LRRC4C: variants seen among roughly 807,000 people sequenced by gnomAD.
LRRC4C encodes leucine-rich repeat-containing protein 4C.
In LRRC4C, 5 loss-of-function variants were observed where a neutral mutation model predicts 33.6. The ratio of observed to expected loss-of-function variants is 0.15; its 90% CI spans 0.08 to 0.31. LRRC4C has a LOEUF of 0.31. Ranked by LOEUF, LRRC4C falls within the 10% of genes least tolerant of loss-of-function variation. LRRC4C has a pLI of 1.00. For synonymous variants in LRRC4C, 329 were observed against 302.0 expected (o/e 1.09, Z -0.93); for missense variants, 560 against 796.7 (o/e 0.70, Z 3.58).
chr11:41,082,688 T>C (rs924377642), intron 1 of LRRC4C, among the ~76,000 whole-genome samples: 2 of 152,216 alleles, frequency 1.3e-5, no homozygotes, highest in Non-Finnish European at 1.5e-5. Context: ...CTGCAACTTG[T>C]GCTCTTAACT....
At chr11:40,434,528 A>G (rs951569061) in intron 3 of LRRC4C, among the ~76,000 whole-genome samples, 12 of 152,230 alleles carry the variant, frequency 7.9e-5, no homozygotes, top group Non-Finnish European at 1.5e-5. Context: ...TCTTTCGGGA[A>G]GACTAAAAAT....
chr11:41,120,560 G>C (rs1319917276), intron 1 of LRRC4C, among the ~76,000 whole-genome samples: 1 of 152,106 alleles, frequency 6.6e-6, no homozygotes, highest in Non-Finnish European at 1.5e-5. Context: ...TCACTGTTGG[G>C]CTACTGTTTG....
At chr11:40,343,990 A>G (rs981934945) in intron 3 of LRRC4C, among the ~76,000 whole-genome samples, 1 of 152,202 alleles carries the variant, frequency 6.6e-6, no homozygotes, top group South Asian at 2.1e-4. Flanking sequence ...ATAAGTTTCA[A>G]AATTGAATCA....
chr11:40,333,786 A>C (rs1211191571), intron 3 of LRRC4C, among the ~76,000 whole-genome samples: 1 of 151,394 alleles, frequency 6.6e-6, no homozygotes, highest in Non-Finnish European at 1.5e-5. Context: ...ACTGAGGAAC[A>C]GTTTCCAATG....
At chr11:41,067,483 C>T (rs1305294169) in intron 1 of LRRC4C, among the ~76,000 whole-genome samples, 2 of 152,134 alleles carry the variant, frequency 1.3e-5, no homozygotes, top group Non-Finnish European at 2.9e-5. Flanking sequence ...CTTTAACACC[C>T]GACTGTCAAT....
chr11:40,299,517 C>G (rs1448160052), intron 4 of LRRC4C, among the ~76,000 whole-genome samples: 2 of 152,114 alleles, frequency 1.3e-5, no homozygotes, highest in African/African-American at 4.8e-5. Context: ...TGTACAATGA[C>G]AAGATACCAC....
intron 3 of LRRC4C, among the ~76,000 whole-genome samples, chr11:40,546,641 G>C (rs1195584366): frequency 6.6e-6 from 1 of 152,034 alleles, no homozygotes; most frequent in Admixed American, 6.6e-5. Context: ...TAGTTGCAAT[G>C]CATACTTGCT....
intron 3 of LRRC4C, among the ~76,000 whole-genome samples, chr11:40,386,237 G>A (rs900346189): frequency 1.3e-5 from 2 of 152,044 alleles, no homozygotes; most frequent in African/African-American, 4.8e-5. Context: ...TTCCTAAAAC[G>A]TTCCCAGCAT....
At chr11:41,209,364 G>T (rs1946727401) in intron 1 of LRRC4C, among the ~76,000 whole-genome samples, 1 of 151,750 alleles carries the variant, frequency 6.6e-6, no homozygotes, top group African/African-American at 2.4e-5. Context: ...GAATGTGATT[G>T]TCTAAATTAT....
chr11:41,073,513 A>T (rs79933388), intron 1 of LRRC4C, among the ~76,000 whole-genome samples: 10,743 of 152,214 alleles, frequency 0.071, 570 homozygotes, highest in East Asian at 0.21. Context: ...GTGGGGACAA[A>T]CAAACCATAT....
intron 3 of LRRC4C, among the ~76,000 whole-genome samples, chr11:40,606,578 G>A (rs1960623183): frequency 6.6e-6 from 1 of 151,334 alleles, no homozygotes; most frequent in African/African-American, 2.4e-5. Flanking sequence ...AAAAAAAAGA[G>A]GTATGTAAAG....
intron 2 of LRRC4C, among the ~76,000 whole-genome samples, chr11:40,909,162 G>A (rs996601276): frequency 1.2e-4 from 19 of 152,110 alleles, no homozygotes; most frequent in African/African-American, 3.6e-4. Context: ...TCTTGCTTTC[G>A]TGCCTGCTTA....
chr11:41,451,943 C>T (rs568849451), intron 1 of LRRC4C, among the ~76,000 whole-genome samples: 4 of 151,480 alleles, frequency 2.6e-5, no homozygotes, highest in African/African-American at 9.8e-5. Flanking sequence ...ATGTCTCCAA[C>T]AGCAAAAAAT....
Position 41,250,784 on chromosome 11 carries a change from C to T in LRRC4C, c.-496+208647G>A, listed in dbSNP as rs373557398. Among the ~76,000 whole-genome samples the T allele has an allele frequency of 2.1e-4, 32 of 152,268 alleles. No homozygotes were observed. In the South Asian group the frequency reaches 6.2e-3, roughly 30 times the overall value. On this transcript the variant is annotated intron_variant, in intron 1 of 6. Transcript: ENST00000528697. ...ACTTGACGTGGTTCAAAATGCAAGCCAATCTGTTTTCAATTCCACAATCAC... is the reference window on the plus strand; with the variant it reads ...ACTTGACGTGGTTCAAAATGCAAGCTAATCTGTTTTCAATTCCACAATCAC...
chr11:40,362,151 A>C (rs753196084), intron 3 of LRRC4C, among the ~76,000 whole-genome samples: 7 of 152,178 alleles, frequency 4.6e-5, no homozygotes, highest in Non-Finnish European at 8.8e-5. Context: ...ATTCAAAACT[A>C]TAAAAACCCT....
chr11:41,203,388 T>C (rs1278868702), intron 1 of LRRC4C, among the ~76,000 whole-genome samples: 2 of 152,224 alleles, frequency 1.3e-5, no homozygotes, highest in Non-Finnish European at 2.9e-5. Flanking sequence ...ACTGGACCGT[T>C]TTAAATGTAG....
At chr11:41,205,323 C>T (rs1239932435) in intron 1 of LRRC4C, among the ~76,000 whole-genome samples, 2 of 152,138 alleles carry the variant, frequency 1.3e-5, no homozygotes, top group African/African-American at 2.4e-5. Context: ...ATATTTTTCT[C>T]TGATTATTGC....
intron 1 of LRRC4C, among the ~76,000 whole-genome samples, chr11:41,328,364 T>G: frequency 6.6e-6 from 1 of 152,090 alleles, no homozygotes; most frequent in East Asian, 1.9e-4. Context: ...TAGCAGAATC[T>G]TTGTTTTGAG....
chr11:40,982,413 A>G (rs1461354670), intron 1 of LRRC4C, among the ~76,000 whole-genome samples: 1 of 152,226 alleles, frequency 6.6e-6, no homozygotes, highest in Non-Finnish European at 1.5e-5. Context: ...AAAATGAAAG[A>G]AGATATTTCC....
Sources: allele counts gnomAD v4.1 joint callset (sites outside exome capture counted in the v4.1 genomes callset), GRCh38; gene constraint gnomAD v4.1.1; transcripts MANE v1.5; gene names NCBI Gene and HGNC (gene_info 2026-07-23, HGNC 2026-07-21).